Variants in TP63 observed in about 807,000 individuals in gnomAD.
TP63 encodes tumor protein 63.
TP63 carries 17 observed loss-of-function variants against 82.8 expected under a neutral mutation model. The observed-to-expected ratio is 0.21, with a 90% confidence interval of 0.14 to 0.31. The LOEUF (loss-of-function observed/expected upper bound fraction) is 0.31. Ranked by LOEUF, TP63 falls within the 10% of genes least tolerant of loss-of-function variation. The probability of loss-of-function intolerance (pLI) is 1.00; values close to 1 mark genes in which losing one functional copy is unlikely to be tolerated. For synonymous variants in TP63, 330 were observed against 321.7 expected, an observed-to-expected ratio of 1.03 and a Z score of -0.28; for missense variants, 648 against 895.3, an observed-to-expected ratio of 0.72 and a Z score of 3.52.
At chr3:189,603,413 C>T in the TP63 span, among the ~76,000 whole-genome samples, 4 of 151,870 alleles carry the variant, frequency 2.6e-5, no homozygotes, top group Non-Finnish European at 4.4e-5. Context: ...TATCAGAAGA[C>T]CTATTTCCTT....
intron 4 of TP63, among the ~76,000 whole-genome samples, chr3:189,821,193 T>A (rs1025861484): frequency 6.6e-6 from 1 of 152,258 alleles, no homozygotes; most frequent in Non-Finnish European, 1.5e-5. Flanking sequence ...AGTGCTGTGA[T>A]GTAATTGAAG....
At chr3:189,843,638 A>T (rs1340251255) in intron 4 of TP63, among the ~76,000 whole-genome samples, 2 of 152,168 alleles carry the variant, frequency 1.3e-5, no homozygotes, top group East Asian at 3.9e-4. Flanking sequence ...GATAGATCCA[A>T]AAGGATATGG....
intron 1 of TP63, among the ~76,000 whole-genome samples, chr3:189,692,833 G>T (rs1025542027): frequency 2.0e-5 from 3 of 152,242 alleles, no homozygotes; most frequent in Admixed American, 1.3e-4. Flanking sequence ...TTCTCAAAAC[G>T]TGTCTTTTCT....
rs535611078 is a variant in TP63, at chr3:189,773,176, A to G, written c.324+34402A>G. On this transcript the variant is annotated intron_variant, in intron 3 of 13. Coordinates refer to ENST00000264731, the MANE Select transcript of TP63 (RefSeq NM_003722.5). The stretch of plus-strand genomic sequence containing the variant: ...TGTTTTGTATGCACTTTCTCCTACA[A>G]TGTTTGGATCTGAAAAAAGAAACTT... Among the ~76,000 whole-genome samples, 8 of 152,314 alleles carry G rather than the reference A, an allele frequency of 5.3e-5. No homozygotes were observed. The South Asian group carries it at 1.2e-3, about 24-fold the overall frequency.
chr3:189,717,710 T>C (rs1441094607), intron 1 of TP63, among the ~76,000 whole-genome samples: 1 of 152,226 alleles, frequency 6.6e-6, no homozygotes, highest in African/African-American at 2.4e-5. Context: ...AATCTGGGAA[T>C]TAGGCTTGAG....
chr3:189,864,548 T>A, intron 5 of TP63, 130 bp downstream of exon 5: 2 of 737,058 alleles, frequency 2.7e-6, no homozygotes, highest in Non-Finnish European at 4.0e-6. Context: ...TGCCTTTTTT[T>A]TTTTTTTTTT....
At chr3:189,854,922 A>G (rs1716101192) in intron 4 of TP63, among the ~76,000 whole-genome samples, 1 of 152,214 alleles carries the variant, frequency 6.6e-6, no homozygotes. Flanking sequence ...GCAGGCTGAG[A>G]TGTAAAGAGG....
intron 3 of TP63, among the ~76,000 whole-genome samples, chr3:189,745,155 A>T (rs1721271439): frequency 6.6e-6 from 1 of 152,242 alleles, no homozygotes. Flanking sequence ...AAAAATTGTA[A>T]GAAATGACTA....
Position 189,648,899 on chromosome 3 carries a change from T to C in TP63, c.62+17322T>C, listed in dbSNP as rs1304441731. ...AAGAAACTGAAGGTTAGAGTGTTAATGACTTGCTGAAGATCACATAGATGC... is the reference window on the plus strand; with the variant it reads ...AAGAAACTGAAGGTTAGAGTGTTAACGACTTGCTGAAGATCACATAGATGC... On this transcript the variant is annotated intron_variant, in intron 1 of 13. Transcript: ENST00000264731. 2.0e-5 allele frequency among the ~76,000 whole-genome samples: 3 copies of C among 147,408 alleles called. 1 individual carries two copies. Among genetic ancestry groups the C allele is most frequent in the Non-Finnish European group, 4.5e-5 (3 of 67,358 alleles).
chr3:189,735,113 T>C (rs1485844205), intron 1 of TP63, among the ~76,000 whole-genome samples: 2 of 152,198 alleles, frequency 1.3e-5, no homozygotes, highest in Admixed American at 1.3e-4. Context: ...TCTTCCTAGA[T>C]CCCATTGCCA....
chr3:189,622,782 C>A, the TP63 span, among the ~76,000 whole-genome samples: 1 of 152,160 alleles, frequency 6.6e-6, no homozygotes, highest in Non-Finnish European at 1.5e-5. Flanking sequence ...GTTTCTTAAG[C>A]CGTCTGAGTC....
chr3:189,878,385 CTT>C (rs1203096619), intron 10 of TP63, among the ~76,000 whole-genome samples: 1,205 of 107,636 alleles, frequency 0.011, 8 homozygotes, highest in African/African-American at 0.032. Flanking sequence ...TTACAGTTTC[CTT>C]TTTTTTTTTT....
At chr3:189,828,672 A>G (rs2108694876) in intron 4 of TP63, among the ~76,000 whole-genome samples, 1 of 152,358 alleles carries the variant, frequency 6.6e-6, no homozygotes, top group Middle Eastern at 3.4e-3. Flanking sequence ...TTAAGAAGGA[A>G]GAAATGTGCC....
intron 6 of TP63, 136 bp from the exon 7 acceptor site, chr3:189,867,697 G>A (rs1560278916): frequency 5.0e-6 from 4 of 803,438 alleles, no homozygotes; most frequent in Non-Finnish European, 6.3e-6. Flanking sequence ...CTACAACAGG[G>A]TTCAGAGTTT....
chr3:189,826,673 T>C (rs1263304893), intron 4 of TP63, among the ~76,000 whole-genome samples: 1 of 152,228 alleles, frequency 6.6e-6, no homozygotes, highest in East Asian at 1.9e-4. Context: ...TATCTCCTTA[T>C]AAGCTTCAGA....
intron 10 of TP63, among the ~76,000 whole-genome samples, chr3:189,875,952 G>GT: frequency 6.6e-6 from 1 of 152,070 alleles, no homozygotes; most frequent in Non-Finnish European, 1.5e-5. Flanking sequence ...GGCTGGAATA[G>GT]TTGACTTGAT....
chr3:189,829,308 C>G (rs771428002), intron 4 of TP63, among the ~76,000 whole-genome samples: 4 of 152,198 alleles, frequency 2.6e-5, no homozygotes, highest in Non-Finnish European at 4.4e-5. Flanking sequence ...CATGCTGTTT[C>G]TGAGCAATAC....
At chr3:189,682,550 AAAAATATATATATATAT>A (rs1330662350) in intron 1 of TP63, among the ~76,000 whole-genome samples, 653 of 45,212 alleles carry the variant, frequency 0.014, 16 homozygotes, top group East Asian at 0.032. Flanking sequence ...AAAAAAAAAA[AAAAATATATATATATAT>A]ATATATATAT....
chr3:189,743,635 A>G (rs1303976174), intron 3 of TP63, among the ~76,000 whole-genome samples: 2 of 152,216 alleles, frequency 1.3e-5, no homozygotes, highest in East Asian at 1.9e-4. Context: ...GGAGTCTTCA[A>G]AATGGTTGAC....
Sources: allele counts gnomAD v4.1 joint callset (sites outside exome capture counted in the v4.1 genomes callset), GRCh38; gene constraint gnomAD v4.1.1; transcripts MANE v1.5; gene names NCBI Gene and HGNC (gene_info 2026-07-23, HGNC 2026-07-21).